The following LRRC7 variants were observed in gnomAD, a reference collection of about 807,000 sequenced individuals.
The protein encoded by LRRC7 is leucine-rich repeat-containing protein 7.
A neutral mutation model predicts 175.7 loss-of-function variants in LRRC7; 23 were observed. The ratio of observed to expected loss-of-function variants is 0.13; its 90% confidence interval spans 0.09 to 0.19. The LOEUF is 0.19. Among genes scored for constraint, LRRC7 ranks in the 10% least tolerant of loss-of-function variants. LRRC7 has a pLI of 1.00. For synonymous variants in LRRC7, 685 were observed against 680.9 expected (o/e 1.01, Z -0.09); for missense variants, 1,354 against 1,904.7 (o/e 0.71, Z 5.38).
intron 23 of LRRC7, among the ~76,000 whole-genome samples, chr1:70,056,569 T>C (rs577799353): frequency 3.2e-4 from 49 of 152,252 alleles, no homozygotes; most frequent in African/African-American, 1.2e-3. Flanking sequence ...CCAATGGCGA[T>C]TGGTAATATG....
chr1:70,121,641 CATA>C (rs1666213374), intron 26 of LRRC7, 136 bp from the exon 27 acceptor site: 7 of 591,710 alleles, frequency 1.2e-5, no homozygotes, highest in Middle Eastern at 7.4e-4. Flanking sequence ...TAGTTACTTC[CATA>C]ATTGCGATTC....
intron 7 of LRRC7, among the ~76,000 whole-genome samples, chr1:69,927,835 G>A (rs1265366349): frequency 6.6e-6 from 1 of 152,084 alleles, no homozygotes; most frequent in African/African-American, 2.4e-5. Flanking sequence ...GTCCAGCTTT[G>A]TTCCATTGCT....
intron 7 of LRRC7, among the ~76,000 whole-genome samples, chr1:69,869,560 A>G (rs1257073332): frequency 1.3e-5 from 2 of 152,178 alleles, no homozygotes; most frequent in East Asian, 3.8e-4. Flanking sequence ...TTTTGTCTTT[A>G]CTATTCTCAT....
chr1:69,571,713 G>C lies in LRRC7; in HGVS notation c.2+3072G>C, dbSNP rs866918789. ...ACTTAGAGATACTAAAATTTTATTT[G>C]CTGAATGACTGTGGCCCCAATATAA... On this transcript the variant is annotated intron_variant, in intron 1 of 26. Transcript: ENST00000651989. Among the ~76,000 whole-genome samples, 4 of 151,952 alleles carry C rather than the reference G, an allele frequency of 2.6e-5. No homozygotes were observed. In the South Asian group the frequency reaches 8.3e-4, roughly 31 times the overall value.
intron 1 of LRRC7, among the ~76,000 whole-genome samples, chr1:69,677,476 C>A (rs1346595402): frequency 2.0e-5 from 3 of 151,538 alleles, no homozygotes; most frequent in Admixed American, 6.6e-5. Context: ...ACTTTTAGTT[C>A]TTTGAGAAAT....
At chr1:69,931,606 CT>C in intron 8 of LRRC7, 36 bp downstream of exon 8, 1 of 1,498,008 alleles carries the variant, frequency 6.7e-7, no homozygotes. Context: ...GATAAATACC[CT>C]TCAGGAGATT....
chr1:69,733,207 A>T (rs1667770656), intron 2 of LRRC7, among the ~76,000 whole-genome samples: 1 of 152,022 alleles, frequency 6.6e-6, no homozygotes, highest in Non-Finnish European at 1.5e-5. Flanking sequence ...ACTAGGATTC[A>T]CTTCTCTTGA....
At chr1:69,982,386 G>A (rs1162238778) in intron 9 of LRRC7, among the ~76,000 whole-genome samples, 2 of 152,144 alleles carry the variant, frequency 1.3e-5, no homozygotes, top group Non-Finnish European at 2.9e-5. Flanking sequence ...TTGCTTTTCA[G>A]TTACCCCAAA....
Position 69,803,825 on chromosome 1 carries a change from T to C in LRRC7, c.421+11665T>C, listed in dbSNP as rs1676802143. 2.6e-5 allele frequency among the ~76,000 whole-genome samples: 4 copies of C among 151,356 alleles called. No individual in the cohort carries two copies. In the South Asian group the frequency reaches 8.3e-4, roughly 31 times the overall value. ...GTATTATCCACAGTTTTCTCTTTCATAAATCTCTACTACATCTGTGAATGT... is the reference window on the plus strand; with the variant it reads ...GTATTATCCACAGTTTTCTCTTTCACAAATCTCTACTACATCTGTGAATGT... On this transcript the variant is annotated intron_variant, in intron 4 of 26. Transcript: ENST00000651989.
chr1:69,857,169 CA>C (rs1409849054), intron 7 of LRRC7, among the ~76,000 whole-genome samples: 2 of 152,072 alleles, frequency 1.3e-5, no homozygotes, highest in East Asian at 3.9e-4. Context: ...ACTGAATGGG[CA>C]AAAACTGGAA....
At chr1:69,647,807 A>G (rs1655216161) in intron 1 of LRRC7, among the ~76,000 whole-genome samples, 1 of 152,102 alleles carries the variant, frequency 6.6e-6, no homozygotes, top group South Asian at 2.1e-4. Flanking sequence ...TACATGCTAC[A>G]TATGGGATGA....
intron 2 of LRRC7, among the ~76,000 whole-genome samples, chr1:69,701,161 T>G (rs909580885): frequency 1.3e-5 from 2 of 152,136 alleles, no homozygotes; most frequent in Admixed American, 1.3e-4. Flanking sequence ...TAAACTCCTC[T>G]CTAAATTGTC....
At chr1:69,662,881 C>G (rs1657685905) in intron 1 of LRRC7, among the ~76,000 whole-genome samples, 1 of 152,150 alleles carries the variant, frequency 6.6e-6, no homozygotes, top group South Asian at 2.1e-4. Context: ...AACTTAGTAC[C>G]TCACTGATAA....
At chr1:69,575,572 A>G (rs1290118484) in intron 1 of LRRC7, among the ~76,000 whole-genome samples, 1 of 152,190 alleles carries the variant, frequency 6.6e-6, no homozygotes, top group Non-Finnish European at 1.5e-5. Context: ...TATTTAAGAA[A>G]TGTGGAATTA....
intron 7 of LRRC7, among the ~76,000 whole-genome samples, chr1:69,864,844 A>G (rs1416190886): frequency 6.6e-6 from 1 of 152,208 alleles, no homozygotes; most frequent in East Asian, 1.9e-4. Flanking sequence ...TAAGCCAGTA[A>G]ATAAAGTATA....
intron 1 of LRRC7, among the ~76,000 whole-genome samples, chr1:69,676,881 T>C (rs1659839734): frequency 1.3e-5 from 2 of 152,058 alleles, no homozygotes; most frequent in African/African-American, 4.8e-5. Context: ...ACATGTCACC[T>C]GGATAGTGAA....
chr1:69,976,262 G>A (rs1363534088), intron 8 of LRRC7, among the ~76,000 whole-genome samples: 1 of 152,206 alleles, frequency 6.6e-6, no homozygotes, highest in African/African-American at 2.4e-5. Flanking sequence ...AAGGAAGCCA[G>A]TTCAAGTCTC....
chr1:70,048,926 G>A (rs1660540787), intron 22 of LRRC7, among the ~76,000 whole-genome samples: 1 of 152,034 alleles, frequency 6.6e-6, no homozygotes, highest in African/African-American at 2.4e-5. Context: ...AAAATCATTG[G>A]CCTTTCCTAT....
intron 1 of LRRC7, among the ~76,000 whole-genome samples, chr1:69,628,805 G>T (rs1652013297): frequency 6.6e-6 from 1 of 152,110 alleles, no homozygotes. Context: ...AGAAAGCTCA[G>T]AAATTAACTC....
Sources: gnomAD v4.1 joint callset for allele counts (sites outside exome capture counted in the v4.1 genomes callset) on GRCh38, gnomAD v4.1.1 for gene constraint, MANE v1.5 for transcripts, NCBI Gene and HGNC (gene_info 2026-07-23, HGNC 2026-07-21) for gene names.